Variants in NRG3 observed in about 807,000 individuals in gnomAD.
NRG3 encodes pro-neuregulin-3, membrane-bound isoform.
Under a neutral mutation model 66.9 loss-of-function variants are expected in NRG3, and 31 were observed. That is an observed-to-expected ratio of 0.46 (90% CI 0.35 to 0.63). The LOEUF (loss-of-function observed/expected upper bound fraction) is 0.63. NRG3 is among the 20% of genes least tolerant of loss of function. NRG3 has a pLI of 0.00. For synonymous variants in NRG3, 393 were observed against 359.4 expected (o/e 1.09, Z -1.06); for missense variants, 910 against 878.9 (o/e 1.04, Z -0.45).
chr10:82,211,556 C>T (rs2075394676), intron 1 of NRG3, among the ~76,000 whole-genome samples: 3 of 152,166 alleles, frequency 2.0e-5, no homozygotes, highest in Admixed American at 2.0e-4. Flanking sequence ...GATGAACTCA[C>T]AGATAGCCAC....
At chr10:82,690,276 CTTT>C (rs10609013) in intron 2 of NRG3, among the ~76,000 whole-genome samples, 108 of 146,572 alleles carry the variant, frequency 7.4e-4, no homozygotes, top group Middle Eastern at 3.6e-3. Context: ...GAATTGGCCA[CTTT>C]TTTTTTTTTT....
chr10:81,880,964 G>A (rs1842126864), intron 1 of NRG3, among the ~76,000 whole-genome samples: 1 of 152,102 alleles, frequency 6.6e-6, no homozygotes, highest in Non-Finnish European at 1.5e-5. Flanking sequence ...AATGAAGTGA[G>A]CAATGGACTC....
chr10:82,012,023 C>G (rs1011966682), intron 1 of NRG3, among the ~76,000 whole-genome samples: 1 of 152,158 alleles, frequency 6.6e-6, no homozygotes, highest in East Asian at 1.9e-4. Context: ...TGTGGGGGCT[C>G]CAACTCCACA....
At chr10:82,584,227 C>G (rs575821100) in intron 2 of NRG3, among the ~76,000 whole-genome samples, 2 of 152,218 alleles carry the variant, frequency 1.3e-5, no homozygotes, top group East Asian at 1.9e-4. Context: ...GCTGGGATTA[C>G]AGGAGTGTGC....
chr10:82,052,108 C>T (rs2063625659), intron 1 of NRG3, among the ~76,000 whole-genome samples: 1 of 151,368 alleles, frequency 6.6e-6, no homozygotes, highest in Non-Finnish European at 1.5e-5. Context: ...AATAGTTATC[C>T]TCATAAGCAA....
intron 4 of NRG3, among the ~76,000 whole-genome samples, chr10:82,918,218 CTT>C (rs2132038842): frequency 6.6e-6 from 1 of 152,020 alleles, no homozygotes; most frequent in African/African-American, 2.4e-5. Flanking sequence ...AAATATTTAA[CTT>C]ATCATTTCCA....
intron 2 of NRG3, among the ~76,000 whole-genome samples, chr10:82,678,923 T>G (rs1291809048): frequency 1.3e-5 from 2 of 152,344 alleles, no homozygotes; most frequent in East Asian, 3.9e-4. Flanking sequence ...TATGTAATGA[T>G]GGACTCACAA....
At chr10:82,609,793 G>GA (rs2048196872) in intron 2 of NRG3, among the ~76,000 whole-genome samples, 1 of 152,096 alleles carries the variant, frequency 6.6e-6, no homozygotes, top group Non-Finnish European at 1.5e-5. Flanking sequence ...GAGTAAAGAA[G>GA]AAAGTAAAAT....
At chr10:82,627,875 A>G (rs1453008081) in intron 2 of NRG3, among the ~76,000 whole-genome samples, 3 of 152,228 alleles carry the variant, frequency 2.0e-5, no homozygotes, top group Non-Finnish European at 4.4e-5. Context: ...TGGCAAAACA[A>G]GAACACCAAC....
chr10:82,117,164 T>C (rs1378661878), intron 1 of NRG3, among the ~76,000 whole-genome samples: 1 of 152,098 alleles, frequency 6.6e-6, no homozygotes, highest in African/African-American at 2.4e-5. Context: ...ACTTTCCAAC[T>C]CCCCCAGGCG....
intron 1 of NRG3, among the ~76,000 whole-genome samples, chr10:82,173,586 G>C (rs2072797744): frequency 6.6e-6 from 1 of 151,770 alleles, no homozygotes; most frequent in African/African-American, 2.4e-5. Context: ...ACAATTACAG[G>C]TGAGCAAGCA....
intron 1 of NRG3, among the ~76,000 whole-genome samples, chr10:81,910,403 G>A (rs927951185): frequency 2.6e-5 from 4 of 152,094 alleles, no homozygotes; most frequent in Non-Finnish European, 5.9e-5. Flanking sequence ...ACTCAATAAT[G>A]TTCAAAGTAA....
intron 3 of NRG3, among the ~76,000 whole-genome samples, chr10:82,788,569 C>CA (rs2060463126): frequency 6.6e-6 from 1 of 151,082 alleles, no homozygotes; most frequent in Non-Finnish European, 1.5e-5. Context: ...GACTCCGTCT[C>CA]AAAAAAATTA....
At chr10:82,407,233 G>T (rs1164309774) in intron 2 of NRG3, among the ~76,000 whole-genome samples, 2 of 151,948 alleles carry the variant, frequency 1.3e-5, no homozygotes, top group Non-Finnish European at 2.9e-5. Context: ...AATTAAAATT[G>T]GAATCCTACA....
At chr10:82,361,001 C>A (rs970721356) in intron 2 of NRG3, among the ~76,000 whole-genome samples, 1 of 152,148 alleles carries the variant, frequency 6.6e-6, no homozygotes, top group Non-Finnish European at 1.5e-5. Flanking sequence ...AACTTCATTA[C>A]TTCTGTGAAG....
chr10:82,740,060 C>CT (rs2058346512), intron 3 of NRG3, among the ~76,000 whole-genome samples: 1 of 151,498 alleles, frequency 6.6e-6, no homozygotes, highest in Non-Finnish European at 1.5e-5. Context: ...TTCTTTCTCT[C>CT]TTTTTTCTGT....
intron 4 of NRG3, among the ~76,000 whole-genome samples, chr10:82,940,682 G>T (rs1485704332): frequency 6.6e-6 from 1 of 152,142 alleles, no homozygotes; most frequent in Non-Finnish European, 1.5e-5. Context: ...TTTGGTGAAA[G>T]CTCAGTCTCT....
At chr10:82,443,022 G>A (rs754668269) in intron 2 of NRG3, among the ~76,000 whole-genome samples, 2 of 151,980 alleles carry the variant, frequency 1.3e-5, no homozygotes, top group Non-Finnish European at 2.9e-5. Context: ...CTTCTGGAAT[G>A]TCTTTGACTT....
chr10:82,574,434 G>A lies in NRG3; in HGVS notation c.954-164143G>A, dbSNP rs117310070. 3.8e-3 allele frequency among the ~76,000 whole-genome samples: 571 copies of A among 151,868 alleles called. 1 individual carries two copies. Among genetic ancestry groups the A allele is most frequent in the Non-Finnish European group, 6.3e-3 (425 of 67,788 alleles). ...CTTGTTTAATGGGTACAAACATACA[G>A]TTAGATGGAAAGAATAAGTTCTAGT... On this transcript the variant is annotated intron_variant, in intron 2 of 8. Coordinates refer to ENST00000372141, the MANE Select transcript of NRG3 (RefSeq NM_001010848.4).
Sources: gnomAD v4.1 joint callset for allele counts (sites outside exome capture counted in the v4.1 genomes callset) on GRCh38, gnomAD v4.1.1 for gene constraint, MANE v1.5 for transcripts, NCBI Gene and HGNC (gene_info 2026-07-23, HGNC 2026-07-21) for gene names.